L3MBTL4: variants seen among roughly 807,000 people sequenced by gnomAD.
L3MBTL4 encodes the protein lethal(3)malignant brain tumor-like protein 4.
Under a neutral mutation model 84.5 loss-of-function variants are expected in L3MBTL4, and 70 were observed. That is an observed-to-expected ratio of 0.83 (90% CI 0.68 to 1.01). The LOEUF (loss-of-function observed/expected upper bound fraction) is 1.01, where lower values mean the gene tolerates loss of function less well. Among genes scored for constraint, L3MBTL4 ranks in the 50% least tolerant of loss-of-function variants. L3MBTL4 has a pLI of 0.00. For missense variants in L3MBTL4, 715 were observed against 754.8 expected (o/e 0.95, Z 0.62); for synonymous variants, 274 against 259.8 (o/e 1.05, Z -0.52).
At chr18:6,255,989 T>A (rs2048123400) in intron 5 of L3MBTL4, among the ~76,000 whole-genome samples, 1 of 152,218 alleles carries the variant, frequency 6.6e-6, no homozygotes, top group Non-Finnish European at 1.5e-5. Flanking sequence ...ATTAAAACAG[T>A]GATAGTATTC....
At chr18:6,013,246 CT>C (rs1043686189) in intron 16 of L3MBTL4, among the ~76,000 whole-genome samples, 1 of 152,140 alleles carries the variant, frequency 6.6e-6, no homozygotes, top group African/African-American at 2.4e-5. Flanking sequence ...TGGGAGGCAG[CT>C]TTTTAAAGTT....
intron 13 of L3MBTL4, among the ~76,000 whole-genome samples, chr18:6,138,942 C>G (rs996707859): frequency 6.6e-6 from 1 of 152,164 alleles, no homozygotes; most frequent in African/African-American, 2.4e-5. Flanking sequence ...GTAAGGTCTG[C>G]TTTCTGGTCC....
At chr18:6,403,484 C>A (rs961935930) in intron 1 of L3MBTL4, among the ~76,000 whole-genome samples, 1 of 152,180 alleles carries the variant, frequency 6.6e-6, no homozygotes, top group Non-Finnish European at 1.5e-5. Context: ...ATATTGGATG[C>A]AGGTACAAGC....
At position 5,956,509 on chromosome 18, in the gene L3MBTL4, C is replaced by T. The variant is rs374036357; in HGVS notation, c.1678-122G>A. ...GTCATAGCCTCCGTGTTGAGCTCAC[C>T]AGTGAGAGAGAATGACGGTAGCTCT... On this transcript the variant is annotated intron_variant, in intron 18 of 18. Coordinates refer to ENST00000317931, the MANE Select transcript of L3MBTL4 (RefSeq NM_001330559.2). The T allele has an allele frequency of 1.1e-3, 808 of 768,732 alleles. 5 individuals are homozygous for T. In the African/African-American group the frequency reaches 0.013, roughly 12 times the overall value. 47.6% of individuals were successfully genotyped at this position (768,732 alleles called of 1,614,324 possible). A position where few individuals can be genotyped will look rare whatever the true frequency, so the allele number is the denominator to read the frequency against.
intron 14 of L3MBTL4, among the ~76,000 whole-genome samples, chr18:6,100,236 C>A (rs183775800): frequency 1.3e-5 from 2 of 152,276 alleles, no homozygotes; most frequent in East Asian, 3.9e-4. Flanking sequence ...TAGTGACCAG[C>A]ACAAATTAAA....
At chr18:6,199,539 T>C (rs1035818883) in intron 12 of L3MBTL4, among the ~76,000 whole-genome samples, 1 of 152,134 alleles carries the variant, frequency 6.6e-6, no homozygotes, top group Non-Finnish European at 1.5e-5. Context: ...GTAGTACATA[T>C]AAGTAGAATT....
intron 14 of L3MBTL4, among the ~76,000 whole-genome samples, chr18:6,120,443 G>A (rs183464112): frequency 1.6e-4 from 25 of 152,258 alleles, no homozygotes; most frequent in Admixed American, 1.1e-3. Context: ...TGTGAGTAAC[G>A]TTAGGAAGGC....
At chr18:6,047,495 A>G (rs980884529) in intron 16 of L3MBTL4, among the ~76,000 whole-genome samples, 1 of 152,200 alleles carries the variant, frequency 6.6e-6, no homozygotes, top group Non-Finnish European at 1.5e-5. Flanking sequence ...AGACACAAAA[A>G]TCCTCAGCAA....
At chr18:6,408,884 C>T (rs1349779039) in intron 1 of L3MBTL4, among the ~76,000 whole-genome samples, 1 of 151,960 alleles carries the variant, frequency 6.6e-6, no homozygotes, top group Non-Finnish European at 1.5e-5. Flanking sequence ...GCCATGTTAC[C>T]CAGGCTGGTC....
intron 16 of L3MBTL4, among the ~76,000 whole-genome samples, chr18:6,050,668 C>A (rs921146410): frequency 1.3e-5 from 2 of 151,616 alleles, no homozygotes; most frequent in Non-Finnish European, 2.9e-5. Flanking sequence ...GCTCCATGGG[C>A]TGCTGCTGTG....
intron 13 of L3MBTL4, among the ~76,000 whole-genome samples, chr18:6,146,609 A>T (rs1347212903): frequency 6.6e-6 from 1 of 152,212 alleles, no homozygotes; most frequent in East Asian, 1.9e-4. Context: ...GGGAAAGTGG[A>T]AGAGGAAAAA....
chr18:5,987,338 C>A (rs990178034), intron 16 of L3MBTL4, among the ~76,000 whole-genome samples: 2 of 152,266 alleles, frequency 1.3e-5, no homozygotes, highest in African/African-American at 2.4e-5. Context: ...CACAAATTCA[C>A]ATTAATCTAA....
At chr18:6,170,080 A>G (rs976959798) in intron 13 of L3MBTL4, among the ~76,000 whole-genome samples, 1 of 152,130 alleles carries the variant, frequency 6.6e-6, no homozygotes, top group African/African-American at 2.4e-5. Flanking sequence ...CATGCGATAG[A>G]TATTAATATT....
At chr18:5,980,992 A>G (rs934458025) in intron 16 of L3MBTL4, among the ~76,000 whole-genome samples, 1 of 152,308 alleles carries the variant, frequency 6.6e-6, no homozygotes, top group African/African-American at 2.4e-5. Flanking sequence ...AAGCATGCCC[A>G]GGTGTCTGTG....
chr18:6,012,442 A>C (rs1277260802), intron 16 of L3MBTL4, among the ~76,000 whole-genome samples: 1 of 152,216 alleles, frequency 6.6e-6, no homozygotes, highest in East Asian at 1.9e-4. Context: ...ATCAGATTTT[A>C]ATGTCAGTTT....
intron 16 of L3MBTL4, among the ~76,000 whole-genome samples, chr18:6,077,511 A>C (rs1315221555): frequency 2.0e-5 from 3 of 152,180 alleles, no homozygotes; most frequent in Non-Finnish European, 4.4e-5. Context: ...AGTCTTTAAA[A>C]TATTTTTATT....
chr18:6,163,270 T>TGG (rs371267417), intron 13 of L3MBTL4, among the ~76,000 whole-genome samples: 633 of 51,996 alleles, frequency 0.012, 2 homozygotes, highest in Middle Eastern at 0.047. Flanking sequence ...GGGGGGGGGG[T>TGG]GGGTGTGTGT....
In L3MBTL4 at chr18:6,244,517, A is replaced by G. The variant is rs766723149; in HGVS notation, c.291T>C (p.His97=). The G allele has an allele frequency of 6.2e-7, 1 of 1,613,806 alleles. No homozygotes were observed. Among genetic ancestry groups the G allele is most frequent in the Non-Finnish European group, 8.5e-7 (1 of 1,179,678 alleles). The change falls in exon 6 of 19, where the codon CAT becomes CAC. Residue 97 remains histidine (H), a synonymous_variant. Transcript: ENST00000317931. ...GMRLEGIDPR[H]PSVFCVLSVA... ...CAGAAAGCACACAGAATACCGATGG[A>G]TGTCGGGGATCAATGCCTTCTAATC...
intron 1 of L3MBTL4, among the ~76,000 whole-genome samples, chr18:6,404,444 G>A (rs1044206755): frequency 5.9e-5 from 9 of 152,162 alleles, no homozygotes; most frequent in African/African-American, 2.2e-4. Context: ...CAGGCTCTGG[G>A]AACAAAGATA....
Sources: gnomAD v4.1 joint callset for allele counts (sites outside exome capture counted in the v4.1 genomes callset) on GRCh38, gnomAD v4.1.1 for gene constraint, MANE v1.5 for transcripts, NCBI Gene and HGNC (gene_info 2026-07-23, HGNC 2026-07-21) for gene names.